Variants in CENPC observed in about 807,000 individuals in gnomAD.
CENPC encodes the protein centromere protein C.
CENPC carries 63 observed loss-of-function variants against 112.1 expected under a neutral mutation model. The ratio of observed to expected loss-of-function variants is 0.56; its 90% CI spans 0.46 to 0.69. CENPC has a LOEUF of 0.69. Ranked by LOEUF, CENPC falls within the 30% of genes least tolerant of loss-of-function variation. The pLI, the probability that CENPC is intolerant of heterozygous loss-of-function variation, is 0.00. For missense variants in CENPC, 1,000 were observed against 1,103.8 expected (o/e 0.91, Z 1.33); for synonymous variants, 333 against 367.6 (o/e 0.91, Z 1.08).
intron 17 of CENPC, among the ~76,000 whole-genome samples, chr4:67,489,195 CAT>C (rs1426367678): frequency 4.1e-5 from 2 of 49,154 alleles, no homozygotes; most frequent in South Asian, 2.1e-3. Flanking sequence ...TCCTGTTATA[CAT>C]ACACACACAC....
chr4:67,506,579 G>C (rs897540582), intron 11 of CENPC, among the ~76,000 whole-genome samples: 1 of 152,100 alleles, frequency 6.6e-6, no homozygotes, highest in Non-Finnish European at 1.5e-5. Flanking sequence ...ACTTTAAAGG[G>C]TTAAAACCAG....
chr4:67,534,093 T>C (rs1266530682), intron 4 of CENPC, among the ~76,000 whole-genome samples: 1 of 150,490 alleles, frequency 6.6e-6, no homozygotes, highest in Non-Finnish European at 1.5e-5. Context: ...AATGTGTCTT[T>C]TGTCGCAGAA....
intron 2 of CENPC, among the ~76,000 whole-genome samples, chr4:67,542,407 TA>T (rs1396951163): frequency 1.3e-5 from 2 of 152,184 alleles, no homozygotes; most frequent in Non-Finnish European, 2.9e-5. Context: ...ATATATGCAG[TA>T]ATTAAAAACT....
intron 12 of CENPC, among the ~76,000 whole-genome samples, chr4:67,501,021 A>G (rs1489975995): frequency 4.6e-5 from 7 of 152,296 alleles, no homozygotes; most frequent in Non-Finnish European, 8.8e-5. Flanking sequence ...GATTGATATC[A>G]TGTCAGCAGG....
chr4:67,496,147 A>G (rs1007257492), intron 12 of CENPC, among the ~76,000 whole-genome samples: 1 of 152,234 alleles, frequency 6.6e-6, no homozygotes, highest in Non-Finnish European at 1.5e-5. Flanking sequence ...ATGTGGCCAC[A>G]TGGAAAAGCC....
chr4:67,531,435 C>T (rs552680768), intron 4 of CENPC, among the ~76,000 whole-genome samples: 1 of 152,262 alleles, frequency 6.6e-6, no homozygotes, highest in East Asian at 1.9e-4. Context: ...CAGGGCTACC[C>T]CTTGGTTGGC....
chr4:67,514,372 A>C lies in CENPC; in HGVS notation c.1146T>G (p.Asp382Glu), dbSNP rs1300593774. The C allele has an allele frequency of 6.2e-7, 1 of 1,613,048 alleles. No individual in the cohort carries two copies. Among genetic ancestry groups the C allele is most frequent in the Non-Finnish European group, 8.5e-7 (1 of 1,179,330 alleles). Residue 382 changes from aspartate to glutamate, a missense_variant, in exon 8 of 19, where the codon GAT becomes GAG. Physicochemically the swap from Asp to Glu is conservative, Grantham distance 45 (BLOSUM62 2). Coordinates refer to ENST00000273853, the MANE Select transcript of CENPC (RefSeq NM_001812.4). ...TSQPSDKTVL[D>E]TSYALIGETV... ...TTTCACCTATCAAAGCATAACTTGTATCCAGTACTGTTTTATCAGAGGGCT... is the reference window on the plus strand; with the variant it reads ...TTTCACCTATCAAAGCATAACTTGTCTCCAGTACTGTTTTATCAGAGGGCT...
chr4:67,513,347 C>G (rs1248466464), intron 8 of CENPC, among the ~76,000 whole-genome samples: 2 of 152,090 alleles, frequency 1.3e-5, no homozygotes, highest in African/African-American at 4.8e-5. Context: ...AAAATTAATA[C>G]AACTGATATG....
rs1484270194 is a variant in CENPC, at chr4:67,514,222, T to C, written c.1296A>G (p.Glu432=). The part of the protein sequence containing the change: ...RRKFMAKPAE[E]QLDVGQSKDE... ...CTTTAGACTGTCCCACATCAAGCTG[T>C]TCTTCAGCTGGTTTAGCCATGAATT... The change falls in exon 8 of 19, where the codon GAA becomes GAG. Residue 432 remains glutamate, a synonymous_variant. Coordinates refer to ENST00000273853, the MANE Select transcript of CENPC (RefSeq NM_001812.4). 5.0e-6 allele frequency: 8 copies of C among 1,613,224 alleles called. 1 individual carries two copies. The highest frequency in any genetic ancestry group is 1.7e-4 in the Middle Eastern group (1 of 6,042).
In CENPC at chr4:67,500,059, AG is replaced by A. The variant is rs201633284; in HGVS notation, c.2132-4848del. On this transcript the variant is annotated intron_variant, in intron 12 of 18. Coordinates refer to ENST00000273853, the MANE Select transcript of CENPC (RefSeq NM_001812.4). ...AAAACAATTACAATAGTAATGTCAA[AG>A]ATCACCTGATCACAAATCACCATAA... Among the ~76,000 whole-genome samples the A allele has an allele frequency of 8.0e-3, 1,217 of 152,274 alleles. 14 individuals carry two copies. Among genetic ancestry groups the A allele is most frequent in the African/African-American group, 0.028 (1,174 of 41,554 alleles).
At chr4:67,510,874 G>A in intron 9 of CENPC, 5 of 403,824 alleles carry the variant, frequency 1.2e-5, no homozygotes, top group South Asian at 7.4e-5. Context: ...CTCCCAGCTT[G>A]ATCAAAAATC....
Position 67,545,343 on chromosome 4 carries a change from C to G in CENPC, c.13G>C (p.Gly5Arg). 1.3e-6 allele frequency: 2 copies of G among 1,522,496 alleles called. No individual in the cohort carries two copies. The highest frequency in any genetic ancestry group is 1.8e-6 in the Non-Finnish European group (2 of 1,131,126). The allele number at this position is 1,522,496 out of a possible 1,614,324, so 94.3% of individuals were successfully genotyped here. A position where few individuals can be genotyped will look rare whatever the true frequency, so the allele number is the denominator to read the frequency against. The part of the protein sequence containing the change: MAAS[G>R]LDHLKNGYRR... ...AGCGGGGGGCCTGCACTTACCAGAC[C>G]GGACGCAGCCATGTTCCGGCCCCGC... Residue 5 changes from glycine to arginine, a missense_variant, in exon 1 of 19, where the codon GGT becomes CGT. Transcript: ENST00000273853.
intron 12 of CENPC, 142 bp from the exon 13 acceptor site, chr4:67,495,354 C>A: frequency 1.3e-6 from 1 of 747,480 alleles, no homozygotes; most frequent in Non-Finnish European, 2.0e-6. Flanking sequence ...TTTTGCTTTT[C>A]ATTGCTCAAC....
intron 11 of CENPC, 141 bp from the exon 12 acceptor site, chr4:67,505,425 A>G (rs1725707010): frequency 1.6e-6 from 1 of 614,906 alleles, no homozygotes; most frequent in African/African-American, 1.9e-5. Context: ...GTCATCAAAA[A>G]TATATAGTCA....
chr4:67,534,369 T>C (rs1280983325), intron 4 of CENPC, among the ~76,000 whole-genome samples: 1 of 151,526 alleles, frequency 6.6e-6, no homozygotes, highest in Non-Finnish European at 1.5e-5. Context: ...TGAGCCGAAA[T>C]CGTGCCACTG....
chr4:67,520,119 G>C (rs2109811824), intron 5 of CENPC, among the ~76,000 whole-genome samples: 1 of 152,236 alleles, frequency 6.6e-6, no homozygotes, highest in African/African-American at 2.4e-5. Context: ...TGGAGGCTGG[G>C]TGGAAATGCA....
At chr4:67,474,858 A>G (rs370054315) in intron 18 of CENPC, 30 bp downstream of exon 18, 2 of 1,305,762 alleles carry the variant, frequency 1.5e-6, no homozygotes, top group East Asian at 2.4e-5. Context: ...AACTATATAC[A>G]TGTTGTCTAA....
intron 4 of CENPC, among the ~76,000 whole-genome samples, chr4:67,534,292 TG>T (rs1208010680): frequency 3.9e-5 from 6 of 152,126 alleles, no homozygotes; most frequent in African/African-American, 1.4e-4. Context: ...GGCAGGCACC[TG>T]TAGTCCCAGC....
chr4:67,514,729 C>T lies in CENPC; in HGVS notation c.831-42G>A, dbSNP rs545485130. On this transcript the variant is annotated intron_variant, in intron 7 of 18. Coordinates refer to ENST00000273853, the MANE Select transcript of CENPC (RefSeq NM_001812.4). ...CTTTTAACAGTTCAAAAAAATAAAG[C>T]TTTTATATTTGTTTAGTAAAGAAAA... 1.8e-5 allele frequency: 27 copies of T among 1,504,738 alleles called. No homozygotes were observed. In the South Asian group the frequency reaches 3.6e-4, roughly 20 times the overall value. The allele number at this position is 1,504,738 out of a possible 1,614,324, so 93.2% of individuals were successfully genotyped here. A position where few individuals can be genotyped will look rare whatever the true frequency, so the allele number is the denominator to read the frequency against.
Sources: gnomAD v4.1 joint callset for allele counts (sites outside exome capture counted in the v4.1 genomes callset) on GRCh38, gnomAD v4.1.1 for gene constraint, MANE v1.5 for transcripts, NCBI Gene and HGNC (gene_info 2026-07-23, HGNC 2026-07-21) for gene names.